ARHGAP24: variants seen among roughly 807,000 people sequenced by gnomAD.
The protein encoded by ARHGAP24 is rho GTPase-activating protein 24.
ARHGAP24 carries 50 observed loss-of-function variants against 76.4 expected under a neutral mutation model. That is an observed-to-expected ratio of 0.65 (90% CI 0.52 to 0.83). ARHGAP24 has a LOEUF of 0.83. Among genes scored for constraint, ARHGAP24 ranks in the 40% least tolerant of loss-of-function variants. ARHGAP24 has a pLI of 0.00. For missense variants in ARHGAP24, 930 were observed against 914.2 expected (o/e 1.02, Z -0.22); for synonymous variants, 345 against 323.3 (o/e 1.07, Z -0.72).
intron 3 of ARHGAP24, among the ~76,000 whole-genome samples, chr4:85,841,524 G>A (rs1730594874): frequency 6.6e-6 from 1 of 152,180 alleles, no homozygotes; most frequent in African/African-American, 2.4e-5. Context: ...AGCCCAATAT[G>A]TGTATTAGAG....
intron 1 of ARHGAP24, among the ~76,000 whole-genome samples, chr4:85,539,127 A>G (rs1443954938): frequency 6.6e-6 from 1 of 152,176 alleles, no homozygotes; most frequent in African/African-American, 2.4e-5. Context: ...CACAGTCTCT[A>G]AGATCTGAAC....
chr4:85,986,629 G>T (rs761916172), intron 8 of ARHGAP24, among the ~76,000 whole-genome samples: 6 of 152,162 alleles, frequency 3.9e-5, no homozygotes, highest in Non-Finnish European at 7.4e-5. Flanking sequence ...TGGGGGAGTA[G>T]AAAACAGGGA....
chr4:85,518,151 G>A (rs1163601963), intron 1 of ARHGAP24, among the ~76,000 whole-genome samples: 1 of 152,054 alleles, frequency 6.6e-6, no homozygotes, highest in Non-Finnish European at 1.5e-5. Flanking sequence ...ATGACATTCA[G>A]TATATCATGA....
chr4:85,783,595 G>A (rs1224553359), intron 3 of ARHGAP24, among the ~76,000 whole-genome samples: 3 of 152,006 alleles, frequency 2.0e-5, no homozygotes, highest in African/African-American at 4.8e-5. Flanking sequence ...AAATACATAA[G>A]GGGGCAGGAA....
intron 3 of ARHGAP24, among the ~76,000 whole-genome samples, chr4:85,748,857 C>G (rs1183144466): frequency 1.3e-5 from 2 of 152,310 alleles, no homozygotes; most frequent in African/African-American, 4.8e-5. Context: ...AGCCTGAACA[C>G]TTTACTTGAC....
chr4:85,975,801 T>C (rs1031261560), intron 7 of ARHGAP24: 1 of 152,228 alleles, frequency 6.6e-6, no homozygotes. Context: ...TTTGGTGTTA[T>C]GATTAGATAA....
chr4:85,786,758 T>C (rs750379669), intron 3 of ARHGAP24, among the ~76,000 whole-genome samples: 8 of 152,236 alleles, frequency 5.3e-5, no homozygotes, highest in Non-Finnish European at 1.2e-4. Context: ...TCACTAACTC[T>C]GCCCACTTTC....
chr4:85,817,905 G>T (rs895274497), intron 3 of ARHGAP24, among the ~76,000 whole-genome samples: 3 of 152,162 alleles, frequency 2.0e-5, no homozygotes, highest in African/African-American at 7.2e-5. Context: ...CTAAGAAAAT[G>T]TTATAATATT....
At chr4:85,808,103 C>T (rs531091399) in intron 3 of ARHGAP24, among the ~76,000 whole-genome samples, 1 of 152,202 alleles carries the variant, frequency 6.6e-6, no homozygotes, top group African/African-American at 2.4e-5. Flanking sequence ...TGAAAGAGAC[C>T]AGATGTTTCA....
In ARHGAP24 at chr4:85,530,215, A is replaced by G. The variant is rs184755471; in HGVS notation, c.-20-40307A>G. Among the ~76,000 whole-genome samples, 116 of 152,128 alleles carry G rather than the reference A, an allele frequency of 7.6e-4. 1 individual carries two copies. Among genetic ancestry groups the G allele is most frequent in the African/African-American group, 2.6e-3 (108 of 41,562 alleles). ...TTAAAAGTAGGAGACTAGTGGGTAT[A>G]AAATAGTAAAAGAGCATTAGATATG... On this transcript the variant is annotated intron_variant, in intron 1 of 9. Transcript: ENST00000395184.
chr4:85,896,447 T>C lies in ARHGAP24; in HGVS notation c.269-27201T>C, dbSNP rs192957469. ...TTCTGCAATCCCATGCTGGGAATCC[T>C]AGCCTCCTTAAGTCTCTTCTTATAG... On this transcript the variant is annotated intron_variant, in intron 3 of 9. Transcript: ENST00000395184. Among the ~76,000 whole-genome samples, 6 of 152,334 alleles carry C rather than the reference T, an allele frequency of 3.9e-5. No homozygotes were observed. In the East Asian group the frequency reaches 1.2e-3, roughly 29 times the overall value.
chr4:85,531,655 CACTTTGTATT>C (rs1278715215), intron 1 of ARHGAP24, among the ~76,000 whole-genome samples: 10 of 152,010 alleles, frequency 6.6e-5, no homozygotes, highest in African/African-American at 2.4e-4. Flanking sequence ...CAGAGTATAT[CACTTTGTATT>C]TTCATATAAT....
chr4:85,686,796 TA>T (rs1302359936), intron 2 of ARHGAP24: 1 of 138,288 alleles, frequency 7.2e-6, no homozygotes, highest in African/African-American at 2.5e-5. Flanking sequence ...AAAATACTTT[TA>T]AAAAATCATA....
intron 2 of ARHGAP24, among the ~76,000 whole-genome samples, chr4:85,704,206 C>T (rs1724211919): frequency 2.0e-5 from 3 of 151,752 alleles, no homozygotes; most frequent in Admixed American, 2.0e-4. Flanking sequence ...TAGGTTGTAC[C>T]CCATTTGTCA....
At chr4:85,617,479 T>A (rs1392989212) in intron 2 of ARHGAP24, among the ~76,000 whole-genome samples, 1 of 152,010 alleles carries the variant, frequency 6.6e-6, no homozygotes, top group East Asian at 1.9e-4. Flanking sequence ...CTACACACTA[T>A]ATATTTCATT....
At chr4:85,965,005 A>G (rs561516954) in intron 5 of ARHGAP24, among the ~76,000 whole-genome samples, 2 of 152,240 alleles carry the variant, frequency 1.3e-5, no homozygotes, top group East Asian at 3.9e-4. Context: ...CTCTATACAC[A>G]GAAGAAATTC....
chr4:85,830,080 T>C (rs1451546789), intron 3 of ARHGAP24, among the ~76,000 whole-genome samples: 2 of 152,266 alleles, frequency 1.3e-5, no homozygotes, highest in Non-Finnish European at 2.9e-5. Flanking sequence ...ATTTACATAT[T>C]TGATAAATAT....
chr4:85,757,988 C>A (rs574405787), intron 3 of ARHGAP24, among the ~76,000 whole-genome samples: 1 of 151,890 alleles, frequency 6.6e-6, no homozygotes, highest in African/African-American at 2.4e-5. Flanking sequence ...CATTTTTTCA[C>A]GTGTCTGTTG....
intron 2 of ARHGAP24, among the ~76,000 whole-genome samples, chr4:85,721,371 G>T (rs1353815986): frequency 4.0e-5 from 6 of 150,320 alleles, no homozygotes; most frequent in African/African-American, 1.5e-4. Context: ...ATCCCACCTG[G>T]GTGACAAGAG....
Sources: allele counts gnomAD v4.1 joint callset (sites outside exome capture counted in the v4.1 genomes callset), GRCh38; gene constraint gnomAD v4.1.1; transcripts MANE v1.5; gene names NCBI Gene and HGNC (gene_info 2026-07-23, HGNC 2026-07-21).